TENM2: variants seen among roughly 807,000 people sequenced by gnomAD.
The protein encoded by TENM2 is teneurin-2.
A neutral mutation model predicts 245.2 loss-of-function variants in TENM2; 52 were observed. The ratio of observed to expected loss-of-function variants is 0.21; its 90% confidence interval spans 0.17 to 0.27. TENM2 has a LOEUF of 0.27. Among genes scored for constraint, TENM2 ranks in the 10% least tolerant of loss-of-function variants. The pLI is 1.00. For missense variants in TENM2, 3,046 were observed against 3,666.8 expected, an observed-to-expected ratio of 0.83 and a Z score of 4.37; for synonymous variants, 1,363 against 1,438.9, an observed-to-expected ratio of 0.95 and a Z score of 1.19.
the TENM2 span, among the ~76,000 whole-genome samples, chr5:167,178,694 AG>A: frequency 1.3e-5 from 2 of 152,126 alleles, no homozygotes; most frequent in African/African-American, 2.4e-5. Context: ...AATGGATAAA[AG>A]CGTGTTTTGT....
At chr5:167,110,527 A>G in the TENM2 span, among the ~76,000 whole-genome samples, 4 of 152,234 alleles carry the variant, frequency 2.6e-5, no homozygotes, top group Non-Finnish European at 5.9e-5. Context: ...TAATTATATT[A>G]TGAGCCAATG....
intron 2 of TENM2, among the ~76,000 whole-genome samples, chr5:167,591,788 C>T (rs191054750): frequency 2.6e-5 from 4 of 152,324 alleles, no homozygotes; most frequent in Non-Finnish European, 5.9e-5. Context: ...CAGCCACTCA[C>T]AGAATGATAG....
chr5:167,643,155 G>C (rs7443768), intron 2 of TENM2, among the ~76,000 whole-genome samples: 84,298 of 152,060 alleles, frequency 0.55, 26,426 homozygotes, highest in Non-Finnish European at 0.72. Context: ...TCTGAGGGTA[G>C]AATTCAATGA....
intron 12 of TENM2, among the ~76,000 whole-genome samples, chr5:168,158,544 G>C (rs1427780929): frequency 6.6e-6 from 1 of 151,660 alleles, no homozygotes; most frequent in African/African-American, 2.4e-5. Context: ...TAACATTTTG[G>C]GCTGTATCGT....
chr5:167,491,139 T>C (rs1487346867), intron 2 of TENM2, among the ~76,000 whole-genome samples: 2 of 152,282 alleles, frequency 1.3e-5, no homozygotes, highest in Non-Finnish European at 2.9e-5. Context: ...AGTATATCTC[T>C]GAATTAAAAT....
chr5:167,332,285 T>C (rs186401660), intron 1 of TENM2, among the ~76,000 whole-genome samples: 121 of 152,348 alleles, frequency 7.9e-4, no homozygotes, highest in African/African-American at 2.8e-3. Context: ...TTCCTTATGG[T>C]ATTTTAAATT....
chr5:167,714,975 T>C (rs1582823444), intron 2 of TENM2, among the ~76,000 whole-genome samples: 1 of 152,304 alleles, frequency 6.6e-6, no homozygotes, highest in East Asian at 1.9e-4. Flanking sequence ...TTTTTCTTTT[T>C]AGGTTCTTTA....
chr5:167,717,771 C>T lies in TENM2; in HGVS notation c.503-158215C>T, dbSNP rs533489016. On this transcript the variant is annotated intron_variant, in intron 2 of 28. Coordinates refer to ENST00000518659, the Ensembl canonical transcript of TENM2. ...AGCCTCTGTTTTTGAATCTGCAAAG[C>T]GGGATTGATTAAAATAAATACAGAC... Among the ~76,000 whole-genome samples the T allele has an allele frequency of 7.2e-5, 11 of 152,168 alleles. No homozygotes were observed. The South Asian group carries it at 1.5e-3, about 20-fold the overall frequency.
At chr5:167,956,908 A>G (rs1201299781) in intron 4 of TENM2, among the ~76,000 whole-genome samples, 3 of 152,306 alleles carry the variant, frequency 2.0e-5, no homozygotes, top group East Asian at 3.9e-4. Context: ...ATCGATGTTC[A>G]GCAGGGATAT....
chr5:167,906,433 C>A (rs1583328450), intron 3 of TENM2, among the ~76,000 whole-genome samples: 1 of 152,164 alleles, frequency 6.6e-6, no homozygotes, highest in East Asian at 1.9e-4. Flanking sequence ...CACCTGTTTG[C>A]CCAAGTGCAG....
intron 1 of TENM2, among the ~76,000 whole-genome samples, chr5:167,359,424 A>T (rs1759561226): frequency 6.6e-6 from 1 of 152,150 alleles, no homozygotes; most frequent in East Asian, 1.9e-4. Context: ...TTACTTAAGT[A>T]GTTTTTTTAA....
the TENM2 span, among the ~76,000 whole-genome samples, chr5:166,996,452 A>G: frequency 6.6e-6 from 1 of 152,336 alleles, no homozygotes; most frequent in Non-Finnish European, 1.5e-5. Flanking sequence ...ATATGACCAT[A>G]CTGTTCAATT....
At chr5:167,676,525 G>T (rs1260245120) in intron 2 of TENM2, among the ~76,000 whole-genome samples, 1 of 152,030 alleles carries the variant, frequency 6.6e-6, no homozygotes, top group Non-Finnish European at 1.5e-5. Flanking sequence ...AAGCAATATG[G>T]CAAGTATAAA....
intron 2 of TENM2, among the ~76,000 whole-genome samples, chr5:167,504,208 T>G (rs1442282681): frequency 2.0e-5 from 3 of 152,200 alleles, no homozygotes; most frequent in African/African-American, 7.2e-5. Flanking sequence ...AGGGTTATAT[T>G]AGGCAACTGG....
intron 2 of TENM2, among the ~76,000 whole-genome samples, chr5:167,488,033 A>G (rs1768190123): frequency 6.6e-6 from 1 of 152,184 alleles, no homozygotes; most frequent in Non-Finnish European, 1.5e-5. Context: ...TTGAACAGGT[A>G]GATAGAATTG....
chr5:167,078,492 ACAAC>A, the TENM2 span, among the ~76,000 whole-genome samples: 1 of 30,130 alleles, frequency 3.3e-5, no homozygotes. Flanking sequence ...TCAAACAACA[ACAAC>A]AACAACAACA....
intron 17 of TENM2, 112 bp downstream of exon 19, chr5:168,200,243 C>A: frequency 1.1e-6 from 1 of 950,020 alleles, no homozygotes; most frequent in Non-Finnish European, 1.6e-6. Context: ...TAGATAAGGA[C>A]ACGATGGCCA....
chr5:167,840,788 A>G (rs1376996601), intron 2 of TENM2, among the ~76,000 whole-genome samples: 1 of 152,186 alleles, frequency 6.6e-6, no homozygotes, highest in African/African-American at 2.4e-5. Flanking sequence ...TAAAGATCAC[A>G]AATGAATTAA....
intron 2 of TENM2, among the ~76,000 whole-genome samples, chr5:167,729,469 G>A (rs1760263978): frequency 6.6e-6 from 1 of 152,074 alleles, no homozygotes; most frequent in Non-Finnish European, 1.5e-5. Flanking sequence ...CCCTTATTTA[G>A]CAAGTTAAAC....
Sources: gnomAD v4.1 joint callset for allele counts (sites outside exome capture counted in the v4.1 genomes callset) on GRCh38, gnomAD v4.1.1 for gene constraint, MANE v1.5 for transcripts, NCBI Gene and HGNC (gene_info 2026-07-23, HGNC 2026-07-21) for gene names.